PMFBP1: variants seen among roughly 807,000 people sequenced by gnomAD.
PMFBP1 encodes the protein polyamine modulated factor 1 binding protein 1.
PMFBP1 carries 131 observed loss-of-function variants against 137.8 expected under a neutral mutation model. The ratio of observed to expected loss-of-function variants is 0.95; its 90% confidence interval spans 0.82 to 1.10. The LOEUF (loss-of-function observed/expected upper bound fraction) is 1.10. Ranked by LOEUF, PMFBP1 falls within the 50% of genes least tolerant of loss-of-function variation. The probability of loss-of-function intolerance (pLI) is 0.00; values close to 1 mark genes in which losing one functional copy is unlikely to be tolerated. For missense variants in PMFBP1, 1,199 were observed against 1,175.4 expected (o/e 1.02, Z -0.29); for synonymous variants, 490 against 450.4 (o/e 1.09, Z -1.11).
chr16:72,243,376 AG>A, the PMFBP1 span, among the ~76,000 whole-genome samples: 1 of 152,220 alleles, frequency 6.6e-6, no homozygotes, highest in Non-Finnish European at 1.5e-5. Context: ...ATCTGCCAGC[AG>A]GACAGGAGAG....
Position 72,157,806 on chromosome 16 carries a change from A to G in PMFBP1, c.166-3347T>C, listed in dbSNP as rs2043004924. ...GCTACTGCAATAATCCAGACAAAGG[A>G]TGACGGCGTGGACCAAGATGGTAGC... On this transcript the variant is annotated intron_variant, in intron 3 of 20. Coordinates refer to ENST00000237353, the MANE Select transcript of PMFBP1 (RefSeq NM_031293.3). Among the ~76,000 whole-genome samples, 6 of 152,184 alleles carry G rather than the reference A, an allele frequency of 3.9e-5. No individual in the cohort carries two copies. The South Asian group carries it at 1.2e-3, about 32-fold the overall frequency.
chr16:72,225,911 A>G, the PMFBP1 span, among the ~76,000 whole-genome samples: 1 of 146,092 alleles, frequency 6.8e-6, no homozygotes, highest in African/African-American at 2.5e-5. Context: ...GTACATCCAC[A>G]CACACATGCA....
chr16:72,234,751 C>T, the PMFBP1 span, among the ~76,000 whole-genome samples: 1 of 152,176 alleles, frequency 6.6e-6, no homozygotes, highest in African/African-American at 2.4e-5. Flanking sequence ...AACTGACCCA[C>T]TGACAACTTT....
chr16:72,137,505 C>A (rs1457940980), intron 7 of PMFBP1, among the ~76,000 whole-genome samples: 1 of 152,130 alleles, frequency 6.6e-6, no homozygotes, highest in African/African-American at 2.4e-5. Context: ...GGCCTCCCTG[C>A]GAAGGTGGCC....
the PMFBP1 span, among the ~76,000 whole-genome samples, chr16:72,190,545 G>A: frequency 6.6e-6 from 1 of 152,146 alleles, no homozygotes; most frequent in South Asian, 2.1e-4. Flanking sequence ...CATAATAAAG[G>A]GAAGAGGGGA....
At chr16:72,240,669 G>C in the PMFBP1 span, among the ~76,000 whole-genome samples, 63 of 152,340 alleles carry the variant, frequency 4.1e-4, no homozygotes, top group African/African-American at 1.3e-3. Flanking sequence ...TGGGAAGACA[G>C]CATGCTGTGG....
chr16:72,215,787 CA>C, the PMFBP1 span, among the ~76,000 whole-genome samples: 1 of 152,246 alleles, frequency 6.6e-6, no homozygotes, highest in African/African-American at 2.4e-5. Context: ...TTGGCTCATA[CA>C]AAAGGTTGGT....
chr16:72,139,523 G>T, intron 6 of PMFBP1, 124 bp from the exon 7 acceptor site: 1 of 777,400 alleles, frequency 1.3e-6, no homozygotes, highest in Admixed American at 2.1e-5. Context: ...AATTCATCAG[G>T]CATTCCCTGT....
In PMFBP1 at chr16:72,122,943, T is replaced by G. The variant is rs16973716; in HGVS notation, c.2739A>C (p.Lys913Asn). The G allele has an allele frequency of 0.42, 680,905 of 1,612,032 alleles. 148,218 individuals are homozygous for G. Among genetic ancestry groups the G allele is most frequent in the South Asian group, 0.59 (53,603 of 90,964 alleles). Reference sequence around the variant, plus strand: ...TTTCGCCACTCAGCTTGGCAATGTATTTCACCTGCTCTCGGAGCTGGTTTC... The same window carrying G: ...TTTCGCCACTCAGCTTGGCAATGTAGTTCACCTGCTCTCGGAGCTGGTTTC... Reference protein sequence around the residue: ...KLGNQLREQVKYIAKLSGEKD... With the variant: ...KLGNQLREQVNYIAKLSGEKD... Residue 913 changes from lysine (K) to asparagine (N), a missense_variant, in exon 19 of 21, where the codon AAA becomes AAC. Physicochemically the swap from Lys to Asn is moderately conservative, Grantham distance 94. Coordinates refer to ENST00000237353, the MANE Select transcript of PMFBP1 (RefSeq NM_031293.3).
Position 72,119,919 on chromosome 16 carries a change from T to C in PMFBP1, c.2939A>G (p.Lys980Arg), listed in dbSNP as rs1244645175. Residue 980 changes from lysine (K) to arginine (R), a missense_variant, in exon 20 of 21, where the codon AAG becomes AGG. Coordinates refer to ENST00000237353, the MANE Select transcript of PMFBP1 (RefSeq NM_031293.3). ...REKVCGTLGW[K>R]GLPQDMGQRM... ...TTGACCCATATCCTGGGGCAACCCC[T>C]TCCAGCCCAAGGTGCCGCACACTTT... 2 of 1,614,090 alleles carry C rather than the reference T, an allele frequency of 1.2e-6. No individual in the cohort carries two copies. The highest frequency in any genetic ancestry group is 1.7e-6 in the Non-Finnish European group (2 of 1,180,036).
chr16:72,129,334 G>C (rs2042513110), intron 12 of PMFBP1, 101 bp from the exon 13 acceptor site: 1 of 1,334,522 alleles, frequency 7.5e-7, no homozygotes, highest in African/African-American at 1.5e-5. Context: ...AGATGAAGAA[G>C]AAGACAATTC....
chr16:72,160,827 A>C (rs979556899), intron 3 of PMFBP1, among the ~76,000 whole-genome samples: 1 of 152,188 alleles, frequency 6.6e-6, no homozygotes, highest in Admixed American at 6.5e-5. Flanking sequence ...TGATCTATTA[A>C]ATTTGTGATA....
chr16:72,224,571 C>T, the PMFBP1 span: 1 of 152,664 alleles, frequency 6.6e-6, no homozygotes. Context: ...CTTTCCCACG[C>T]CTTTGACTCC....
the PMFBP1 span, among the ~76,000 whole-genome samples, chr16:72,248,470 C>T: frequency 1.3e-5 from 2 of 151,740 alleles, no homozygotes; most frequent in African/African-American, 4.8e-5. Flanking sequence ...TGAATATCTG[C>T]CAAAAAAAAA....
intron 2 of PMFBP1, among the ~76,000 whole-genome samples, chr16:72,168,006 A>G (rs2043169616): frequency 6.6e-6 from 1 of 152,232 alleles, no homozygotes; most frequent in African/African-American, 2.4e-5. Context: ...TTGCACCACC[A>G]GAAGTTCAGA....
chr16:72,161,072 C>T (rs1262493441), intron 3 of PMFBP1, among the ~76,000 whole-genome samples: 3 of 150,414 alleles, frequency 2.0e-5, no homozygotes, highest in Admixed American at 2.0e-4. Flanking sequence ...AGCCTTATAT[C>T]ACTGGATAGG....
rs528822854 is a variant in PMFBP1, at chr16:72,119,973, G to C, written c.2885C>G (p.Pro962Arg). 6.2e-7 allele frequency: 1 copy of C among 1,614,134 alleles called. No homozygotes were observed. ...CCTCTGTGTGGACTCCGTTCTGCTC[G>C]GGCCTAGGGCTTTGGTGCATAGCCT... is the stretch of plus-strand genomic sequence containing the variant. ...NTRLCTKALG[P>R]SRTESTQREK... The change falls in exon 20 of 21, where the codon CCG (proline) becomes CGG (arginine). Residue 962 changes from proline to arginine, a missense_variant. By Grantham distance (103) the Pro-to-Arg change is moderately radical. Transcript: ENST00000237353.
intron 5 of PMFBP1, among the ~76,000 whole-genome samples, chr16:72,142,623 C>A (rs2042740323): frequency 6.6e-6 from 1 of 152,134 alleles, no homozygotes; most frequent in African/African-American, 2.4e-5. Flanking sequence ...ATAAACCTTG[C>A]TCAGACATGG....
chr16:72,219,398 G>A, the PMFBP1 span, among the ~76,000 whole-genome samples: 1 of 152,150 alleles, frequency 6.6e-6, no homozygotes, highest in Non-Finnish European at 1.5e-5. Flanking sequence ...AAGCAGGACG[G>A]CAGGGATGGG....
Sources: gnomAD v4.1 joint callset for allele counts (sites outside exome capture counted in the v4.1 genomes callset) on GRCh38, gnomAD v4.1.1 for gene constraint, MANE v1.5 for transcripts, NCBI Gene and HGNC (gene_info 2026-07-23, HGNC 2026-07-21) for gene names.